FAM135B: variants seen among roughly 807,000 people sequenced by gnomAD.
The protein encoded by FAM135B is family with sequence similarity 135 member B.
Under a neutral mutation model 127.7 loss-of-function variants are expected in FAM135B, and 43 were observed. The observed-to-expected ratio is 0.34, with a 90% CI of 0.26 to 0.43. The LOEUF (loss-of-function observed/expected upper bound fraction) is 0.43, where lower values mean the gene tolerates loss of function less well. FAM135B is among the 20% of genes least tolerant of loss of function. The pLI is 1.00. For missense variants in FAM135B, 1,558 were observed against 1,725.6 expected (o/e 0.90, Z 1.72); for synonymous variants, 670 against 665.1 (o/e 1.01, Z -0.11).
chr8:138,153,506 G>A (rs1418184745), intron 12 of FAM135B, among the ~76,000 whole-genome samples: 1 of 152,204 alleles, frequency 6.6e-6, no homozygotes, highest in Non-Finnish European at 1.5e-5. Flanking sequence ...CACCCAGGAA[G>A]TGCAAGGGGT....
chr8:138,197,703 T>A (rs1816771846), intron 7 of FAM135B, 34 bp from the exon 8 acceptor site: 2 of 1,605,314 alleles, frequency 1.2e-6, no homozygotes, highest in East Asian at 4.5e-5. Flanking sequence ...GGCTGAGGAA[T>A]ATTGCACCTG....
intron 2 of FAM135B, among the ~76,000 whole-genome samples, chr8:138,354,472 C>G (rs1009698257): frequency 2.0e-5 from 3 of 152,148 alleles, no homozygotes; most frequent in Non-Finnish European, 4.4e-5. Context: ...GCCCTCTCTT[C>G]CAAGTAACCC....
At chr8:138,494,186 A>T (rs761526148) in intron 1 of FAM135B, among the ~76,000 whole-genome samples, 27 of 152,212 alleles carry the variant, frequency 1.8e-4, no homozygotes, top group Non-Finnish European at 3.5e-4. Flanking sequence ...CAAGCCATGG[A>T]GCATCCTCCA....
intron 7 of FAM135B, among the ~76,000 whole-genome samples, chr8:138,239,386 C>T (rs1820549310): frequency 6.6e-6 from 1 of 152,216 alleles, no homozygotes; most frequent in African/African-American, 2.4e-5. Flanking sequence ...TCATATCCTT[C>T]ACCCACTTGT....
chr8:138,142,036 T>G (rs1027146355), intron 16 of FAM135B, among the ~76,000 whole-genome samples: 2 of 152,198 alleles, frequency 1.3e-5, no homozygotes, highest in Admixed American at 6.5e-5. Flanking sequence ...CTAGCTTTTC[T>G]TTTATTCTTT....
intron 1 of FAM135B, among the ~76,000 whole-genome samples, chr8:138,446,324 C>G (rs1256057069): frequency 6.6e-6 from 1 of 151,972 alleles, no homozygotes; most frequent in Non-Finnish European, 1.5e-5. Context: ...CATATGGAAC[C>G]AAAAAAGAGC....
At position 138,152,646 on chromosome 8, in the gene FAM135B, G is replaced by A; in HGVS notation, c.1829C>T (p.Thr610Ile). 6.2e-7 allele frequency: 1 copy of A among 1,614,166 alleles called. No homozygotes were observed. The highest frequency in any genetic ancestry group is 8.5e-7 in the Non-Finnish European group (1 of 1,180,034). The change falls in exon 13 of 20, where the codon ACA becomes ATA. Residue 610 changes from threonine to isoleucine, a missense_variant. Thr to Ile is a moderately conservative substitution (Grantham distance 89, BLOSUM62 -1). Coordinates refer to ENST00000395297, the MANE Select transcript of FAM135B (RefSeq NM_015912.4). The stretch of plus-strand genomic sequence containing the variant: ...TAGAGTACTTAATTCATGGAGAGTT[G>A]TTTTGTCTGAAGAGATGGCATTTTG... ...SHQNAISSDK[T>I]TLHELSTLGK...
At chr8:138,186,340 A>G (rs1202911069) in intron 9 of FAM135B, among the ~76,000 whole-genome samples, 1 of 152,202 alleles carries the variant, frequency 6.6e-6, no homozygotes, top group Non-Finnish European at 1.5e-5. Context: ...GTAAACATTT[A>G]TAAGAATTGT....
At chr8:138,302,334 A>T (rs1284239036) in intron 3 of FAM135B, among the ~76,000 whole-genome samples, 1 of 152,084 alleles carries the variant, frequency 6.6e-6, no homozygotes, top group East Asian at 1.9e-4. Flanking sequence ...CTTGTGCTAC[A>T]TCTCTGGATG....
chr8:138,429,283 T>C (rs915508618), intron 1 of FAM135B, among the ~76,000 whole-genome samples: 1 of 152,198 alleles, frequency 6.6e-6, no homozygotes, highest in South Asian at 2.1e-4. Context: ...CCATGTCCTA[T>C]TCACACTTTG....
At chr8:138,308,097 CAACCCTGGGCCA>C (rs1826397092) in intron 3 of FAM135B, among the ~76,000 whole-genome samples, 1 of 152,288 alleles carries the variant, frequency 6.6e-6, no homozygotes, top group African/African-American at 2.4e-5. Flanking sequence ...GTGGAGGAAG[CAACCCTGGGCCA>C]GTCTCCATCT....
intron 9 of FAM135B, among the ~76,000 whole-genome samples, chr8:138,181,097 C>T (rs183734357): frequency 7.2e-5 from 11 of 151,850 alleles, no homozygotes; most frequent in Middle Eastern, 3.4e-3. Flanking sequence ...AAAAAATAGC[C>T]GGGCATGGTG....
At chr8:138,315,036 C>T (rs1362845382) in intron 2 of FAM135B, among the ~76,000 whole-genome samples, 1 of 151,470 alleles carries the variant, frequency 6.6e-6, no homozygotes, top group Non-Finnish European at 1.5e-5. Flanking sequence ...CACTTACAAT[C>T]AAAAGAAAAT....
intron 3 of FAM135B, among the ~76,000 whole-genome samples, chr8:138,282,548 T>C (rs552664862): frequency 7.9e-5 from 12 of 152,280 alleles, no homozygotes; most frequent in African/African-American, 2.6e-4. Context: ...GCCAAGAAGA[T>C]ACAGGAATGG....
At chr8:138,289,864 T>C (rs1246523782) in intron 3 of FAM135B, among the ~76,000 whole-genome samples, 2 of 152,168 alleles carry the variant, frequency 1.3e-5, no homozygotes, top group Non-Finnish European at 2.9e-5. Flanking sequence ...ATTTAGTGAT[T>C]AAGGTGCATC....
At chr8:138,237,835 C>T (rs1365282382) in intron 7 of FAM135B, among the ~76,000 whole-genome samples, 2 of 152,176 alleles carry the variant, frequency 1.3e-5, no homozygotes, top group Non-Finnish European at 2.9e-5. Context: ...TCCACAAGTG[C>T]ATGACCCAAT....
chr8:138,315,028 C>T (rs1292557547), intron 2 of FAM135B, among the ~76,000 whole-genome samples: 1 of 151,716 alleles, frequency 6.6e-6, no homozygotes, highest in Non-Finnish European at 1.5e-5. Context: ...AAAATGGCCA[C>T]TTACAATCAA....
At chr8:138,266,062 G>C (rs903142777) in intron 3 of FAM135B, among the ~76,000 whole-genome samples, 1 of 152,098 alleles carries the variant, frequency 6.6e-6, no homozygotes, top group African/African-American at 2.4e-5. Context: ...CCTTACAAGC[G>C]ATAAAATCTT....
intron 6 of FAM135B, among the ~76,000 whole-genome samples, chr8:138,246,523 GCACAGAAGT>G (rs1301612739): frequency 1.3e-5 from 2 of 152,190 alleles, no homozygotes; most frequent in Non-Finnish European, 2.9e-5. Context: ...GCCTGCAGGT[GCACAGAAGT>G]CAAGAATTGA....
Sources: gnomAD v4.1 joint callset for allele counts (sites outside exome capture counted in the v4.1 genomes callset) on GRCh38, gnomAD v4.1.1 for gene constraint, MANE v1.5 for transcripts, NCBI Gene and HGNC (gene_info 2026-07-23, HGNC 2026-07-21) for gene names.